The following SPTSSB variants were observed in gnomAD, a reference collection of about 807,000 sequenced individuals.
The protein encoded by SPTSSB is serine palmitoyltransferase small subunit B, also known as androgen down regulated in mouse prostate.
Under a neutral mutation model 7.7 loss-of-function variants are expected in SPTSSB, and 6 were observed. The ratio of observed to expected loss-of-function variants is 0.78; its 90% CI spans 0.43 to 1.54. The LOEUF (loss-of-function observed/expected upper bound fraction) is 1.54, where lower values mean the gene tolerates loss of function less well. SPTSSB is among the 40% of genes most tolerant of loss of function. SPTSSB has a pLI of 0.01. For synonymous variants in SPTSSB, 28 were observed against 29.7 expected (o/e 0.94, Z 0.19); for missense variants, 91 against 93.0 (o/e 0.98, Z 0.09).
intron 1 of SPTSSB, among the ~76,000 whole-genome samples, chr3:161,363,480 G>T (rs1440361749): frequency 1.3e-5 from 2 of 151,822 alleles, no homozygotes; most frequent in Admixed American, 6.6e-5. Flanking sequence ...TAATCACAAA[G>T]AATAATTTCT....
In SPTSSB at chr3:161,353,003, G is replaced by A. The variant is rs533452568; in HGVS notation, c.-32-6648C>T. On this transcript the variant is annotated intron_variant, in intron 2 of 2. Transcript: ENST00000620149. Reference sequence around the variant, plus strand: ...GTGGTTCTAATGGGAAAAATTCCAGGATGGGAACACCTGGACACTTGAAGA... The same window carrying A: ...GTGGTTCTAATGGGAAAAATTCCAGAATGGGAACACCTGGACACTTGAAGA... 2.0e-5 allele frequency among the ~76,000 whole-genome samples: 3 copies of A among 152,158 alleles called. No homozygotes were observed. The South Asian group carries it at 6.2e-4, about 32-fold the overall frequency.
chr3:161,366,048 C>T (rs577409286), intron 1 of SPTSSB, among the ~76,000 whole-genome samples: 1 of 152,322 alleles, frequency 6.6e-6, no homozygotes, highest in South Asian at 2.1e-4. Flanking sequence ...GGAAATTTCT[C>T]TTACCTTACT....
intron 2 of SPTSSB, among the ~76,000 whole-genome samples, chr3:161,353,501 T>C (rs947319976): frequency 6.6e-6 from 1 of 152,078 alleles, no homozygotes; most frequent in Non-Finnish European, 1.5e-5. Context: ...TATTGGAACC[T>C]GTAAACAAAT....
At chr3:161,369,315 T>TTTCTTTCTTA in intron 1 of SPTSSB, among the ~76,000 whole-genome samples, 1 of 16,000 alleles carries the variant, frequency 6.3e-5, no homozygotes, top group East Asian at 5.1e-3. Context: ...TCTTTCTTTC[T>TTTCTTTCTTA]CTTTCTTTCT....
At chr3:161,361,426 G>A (rs1266828417) in intron 1 of SPTSSB, among the ~76,000 whole-genome samples, 1 of 152,076 alleles carries the variant, frequency 6.6e-6, no homozygotes, top group Non-Finnish European at 1.5e-5. Context: ...TTCTACAGTA[G>A]AATTAAATAT....
intron 1 of SPTSSB, among the ~76,000 whole-genome samples, chr3:161,367,297 A>T (rs1455310005): frequency 2.0e-5 from 3 of 152,286 alleles, no homozygotes; most frequent in African/African-American, 4.8e-5. Flanking sequence ...TTTCATGGTC[A>T]AAACCCACAC....
At chr3:161,355,763 G>A (rs529050065) in intron 2 of SPTSSB, among the ~76,000 whole-genome samples, 68 of 152,212 alleles carry the variant, frequency 4.5e-4, no homozygotes, top group African/African-American at 1.6e-3. Flanking sequence ...ATTGGTTGAA[G>A]AACAATGTAA....
intron 2 of SPTSSB, among the ~76,000 whole-genome samples, chr3:161,353,441 A>G (rs1714632466): frequency 6.6e-6 from 1 of 152,218 alleles, no homozygotes; most frequent in African/African-American, 2.4e-5. Flanking sequence ...AAATAAATAA[A>G]TACACACGTT....
At chr3:161,361,834 G>A (rs1244698472) in intron 1 of SPTSSB, among the ~76,000 whole-genome samples, 2 of 152,092 alleles carry the variant, frequency 1.3e-5, no homozygotes, top group Non-Finnish European at 2.9e-5. Context: ...CATGAGCCTC[G>A]TAGGAAGAAT....
At chr3:161,368,085 TAGC>T (rs1413260098) in intron 1 of SPTSSB, among the ~76,000 whole-genome samples, 1 of 152,258 alleles carries the variant, frequency 6.6e-6, no homozygotes, top group African/African-American at 2.4e-5. Context: ...GTGAATCACA[TAGC>T]TGTGTGACAC....
chr3:161,360,636 C>T (rs915634393), intron 1 of SPTSSB, among the ~76,000 whole-genome samples: 4 of 152,114 alleles, frequency 2.6e-5, no homozygotes, highest in Non-Finnish European at 5.9e-5. Flanking sequence ...CCATTTGTAG[C>T]TTTTTTGTCC....
chr3:161,364,279 A>T (rs1715129603), intron 1 of SPTSSB, among the ~76,000 whole-genome samples: 1 of 152,174 alleles, frequency 6.6e-6, no homozygotes, highest in Non-Finnish European at 1.5e-5. Flanking sequence ...TGTGCTAGGC[A>T]TCACATGCTT....
Position 161,359,734 on chromosome 3 carries a change from C to A in SPTSSB, c.-33+68G>T. The A allele has an allele frequency of 3.0e-6, 3 of 985,230 alleles. No homozygotes were observed. In the South Asian group the frequency reaches 1.4e-4, roughly 46 times the overall value. 61.0% of individuals were successfully genotyped at this position (985,230 alleles called of 1,614,324 possible). On this transcript the variant is annotated intron_variant, in intron 2 of 2. Coordinates refer to ENST00000620149, the MANE Select transcript of SPTSSB (RefSeq NM_001040100.2). ...GAGAGAACTAGATGTGTTAATGACG[C>A]CATCTCACAGTGAAAAGGGGCAGAT... is the stretch of plus-strand genomic sequence containing the variant.
At chr3:161,363,654 GT>G (rs1054549292) in intron 1 of SPTSSB, among the ~76,000 whole-genome samples, 16 of 152,030 alleles carry the variant, frequency 1.1e-4, no homozygotes, top group African/African-American at 3.6e-4. Context: ...ACACTTTGGA[GT>G]TTTTTCTATG....
At chr3:161,370,489 A>G (rs371598213) in intron 1 of SPTSSB, among the ~76,000 whole-genome samples, 2 of 152,218 alleles carry the variant, frequency 1.3e-5, no homozygotes, top group Non-Finnish European at 2.9e-5. Flanking sequence ...AATAATTCAG[A>G]TGTGGAAATC....
intron 1 of SPTSSB, among the ~76,000 whole-genome samples, chr3:161,362,962 T>C (rs556894102): frequency 9.9e-5 from 15 of 152,074 alleles, no homozygotes; most frequent in Middle Eastern, 6.9e-3. Context: ...CAAATATATA[T>C]ATTTATATCC....
chr3:161,364,411 T>A (rs1202206723), intron 1 of SPTSSB, among the ~76,000 whole-genome samples: 1 of 152,124 alleles, frequency 6.6e-6, no homozygotes, highest in East Asian at 1.9e-4. Context: ...ATCCCTTTGG[T>A]AGGGGAAGAG....
chr3:161,369,305 T>G (rs1715373697), intron 1 of SPTSSB, among the ~76,000 whole-genome samples: 1 of 33,862 alleles, frequency 3.0e-5, no homozygotes. Context: ...TTTCTTTCTT[T>G]CTTTCTTTCT....
intron 1 of SPTSSB, among the ~76,000 whole-genome samples, chr3:161,370,184 T>A (rs1041035994): frequency 6.6e-6 from 1 of 152,226 alleles, no homozygotes; most frequent in African/African-American, 2.4e-5. Context: ...TTTATAAAAG[T>A]ATTTGCAAAT....
Sources: allele counts gnomAD v4.1 joint callset (sites outside exome capture counted in the v4.1 genomes callset), GRCh38; gene constraint gnomAD v4.1.1; transcripts MANE v1.5; gene names NCBI Gene and HGNC (gene_info 2026-07-23, HGNC 2026-07-21).